Variants in FRMD8 observed in about 807,000 individuals in gnomAD.
FRMD8 encodes FERM domain-containing protein 8.
Under a neutral mutation model 54.2 loss-of-function variants are expected in FRMD8, and 37 were observed. The ratio of observed to expected loss-of-function variants is 0.68; its 90% CI spans 0.53 to 0.90. FRMD8 has a LOEUF of 0.90. Among genes scored for constraint, FRMD8 ranks in the 40% least tolerant of loss-of-function variants. The pLI, the probability that FRMD8 is intolerant of heterozygous loss-of-function variation, is 0.00. For synonymous variants in FRMD8, 246 were observed against 286.9 expected (o/e 0.86, Z 1.44); for missense variants, 585 against 653.7 (o/e 0.89, Z 1.15).
chr11:65,392,580 G>T (rs1349087775), intron 3 of FRMD8, among the ~76,000 whole-genome samples: 2 of 152,136 alleles, frequency 1.3e-5, no homozygotes. Flanking sequence ...CTGGCCTGAG[G>T]CATTGAGTCC....
chr11:65,380,295 C>A, the FRMD8 span: 1 of 1,422,982 alleles, frequency 7.0e-7, no homozygotes. Context: ...ATCTCAGACA[C>A]ATGCAGCCAC....
rs1292862086 is a variant in FRMD8 at position 65,387,075 on chromosome 11, C to T, written c.39C>T (p.Pro13=). 1 of 1,608,960 alleles carries T rather than the reference C, an allele frequency of 6.2e-7. No homozygotes were observed. The highest frequency in any genetic ancestry group is 1.1e-5 in the South Asian group (1 of 91,080). Residue 13 remains proline, a synonymous_variant, in exon 2 of 11, where the codon CCC becomes CCT. Transcript: ENST00000317568. Reference sequence around the variant, plus strand: ...AAGGCAGTGCCGGGCAGCCCGGCCCCGCTGAGCGATCCCACCGAAGCAGCG... The same window carrying T: ...AAGGCAGTGCCGGGCAGCCCGGCCCTGCTGAGCGATCCCACCGAAGCAGCG... The part of the protein sequence containing the change: ...GTEGSAGQPG[P]AERSHRSSVS...
intron 7 of FRMD8, 32 bp downstream of exon 7, chr11:65,397,052 C>G (rs566642712): frequency 2.4e-6 from 3 of 1,234,764 alleles, no homozygotes; most frequent in East Asian, 3.0e-5. Context: ...TCCCCCACCC[C>G]CTCCGCAGGC....
intron 8 of FRMD8, 129 bp downstream of exon 8, chr11:65,399,988 C>A: frequency 9.0e-7 from 1 of 1,112,406 alleles, no homozygotes; most frequent in Non-Finnish European, 1.3e-6. Context: ...GACCCTGCCT[C>A]CGTTGGATGT....
chr11:65,381,830 C>G (rs1028185991), upstream of FRMD8: 2 of 1,567,554 alleles, frequency 1.3e-6, no homozygotes, highest in African/African-American at 2.7e-5. Flanking sequence ...AGACTTTGGT[C>G]TCTGCTCCTC....
chr11:65,399,758 G>A lies in FRMD8; in HGVS notation c.826G>A (p.Val276Ile). The stretch of plus-strand genomic sequence containing the variant: ...CAGGTGTGCCTTCTTCCACGGTGAG[G>A]TTGACAAGCCGGCCCAAGGCTTTTT... ...FYGCAFFHGE[V>I]DKPAQGFLHR... is the part of the protein sequence containing the mutation. Residue 276 changes from valine (V) to isoleucine (I), a missense_variant, in exon 8 of 11, where the codon GTT becomes ATT. Val to Ile is a conservative substitution (Grantham distance 29, BLOSUM62 3). Transcript: ENST00000317568. The A allele has an allele frequency of 6.2e-7, 1 of 1,614,048 alleles. No homozygotes were observed.
chr11:65,387,100 G>T lies in FRMD8; in HGVS notation c.64G>T (p.Val22Leu), dbSNP rs779522359. ...CGCTGAGCGATCCCACCGAAGCAGCGTGTCCTCCGTGGGAGCCCGAGGTGG... is the reference window on the plus strand; with the variant it reads ...CGCTGAGCGATCCCACCGAAGCAGCTTGTCCTCCGTGGGAGCCCGAGGTGG... Reference protein sequence around the residue: ...GPAERSHRSSVSSVGARAADV... With the variant: ...GPAERSHRSSLSSVGARAADV... The change falls in exon 2 of 11, where the codon GTG (valine) becomes TTG (leucine). Residue 22 changes from valine to leucine, a missense_variant. Transcript: ENST00000317568. 2 of 1,607,028 alleles carry T rather than the reference G, an allele frequency of 1.2e-6. No individual in the cohort carries two copies. Among genetic ancestry groups the T allele is most frequent in the Non-Finnish European group, 1.7e-6 (2 of 1,179,980 alleles).
Position 65,402,749 on chromosome 11 carries a change from C to T in FRMD8, c.1071+1882C>T, listed in dbSNP as rs114992151. On this transcript the variant is annotated intron_variant, in intron 9 of 10. Coordinates refer to ENST00000317568, the MANE Select transcript of FRMD8 (RefSeq NM_031904.5). ...ATCTCCATTTATTTGTCTCTGATTT[C>T]TTTCATTAACATTTTATAGTTTTCA... Among the ~76,000 whole-genome samples, 480 of 152,018 alleles carry T rather than the reference C, an allele frequency of 3.2e-3. 4 individuals are homozygous for T. The highest frequency in any genetic ancestry group is 0.011 in the African/African-American group (457 of 41,502).
intron 9 of FRMD8, among the ~76,000 whole-genome samples, chr11:65,402,941 C>T (rs1025675783): frequency 1.3e-5 from 2 of 152,010 alleles, no homozygotes; most frequent in African/African-American, 4.8e-5. Context: ...GCTCTGTCAC[C>T]GAGGCTGGGG....
At chr11:65,393,695 G>C (rs1855887406) in intron 4 of FRMD8, 21 bp downstream of exon 4, 4 of 1,583,536 alleles carry the variant, frequency 2.5e-6, no homozygotes, top group Non-Finnish European at 3.4e-6. Context: ...CTGCCTGTCT[G>C]TCCTTGCCTC....
chr11:65,393,906 C>G, intron 4 of FRMD8, 135 bp from the exon 5 acceptor site: 1 of 951,854 alleles, frequency 1.1e-6, no homozygotes, highest in South Asian at 1.5e-5. Context: ...GAGCTGCACA[C>G]TCCACCCTCT....
Position 65,411,444 on chromosome 11 carries a change from G to T in FRMD8, c.*84G>T. On this transcript the variant is annotated 3_prime_UTR_variant, in exon 11 of 11. Coordinates refer to ENST00000317568, the MANE Select transcript of FRMD8 (RefSeq NM_031904.5). ...TGAGGGGCAGGCGCCGGCTGCAACA[G>T]TCTCATGGGTCACCACGTGGGGAGG... 1.2e-6 allele frequency: 1 copy of T among 852,648 alleles called. No homozygotes were observed. Among genetic ancestry groups the T allele is most frequent in the Non-Finnish European group, 1.7e-6 (1 of 576,352 alleles). The allele number at this position is 852,648 out of a possible 1,614,324, so 52.8% of individuals were successfully genotyped here.
chr11:65,376,844 T>G, the FRMD8 span: 1 of 1,614,240 alleles, frequency 6.2e-7, no homozygotes, highest in Non-Finnish European at 8.5e-7. Flanking sequence ...TGGTGTGTAC[T>G]GGCGACAGAG....
At chr11:65,377,100 C>A in the FRMD8 span, 1 of 1,603,940 alleles carries the variant, frequency 6.2e-7, no homozygotes, top group Non-Finnish European at 8.5e-7. Context: ...AACATGAGGG[C>A]CCCGGGTGGG....
At chr11:65,396,146 T>C (rs1203142967) in intron 6 of FRMD8, among the ~76,000 whole-genome samples, 1 of 152,188 alleles carries the variant, frequency 6.6e-6, no homozygotes, top group Admixed American at 6.5e-5. Context: ...ATGAGTTTCC[T>C]GGGTGGACAC....
At chr11:65,381,038 G>A in the FRMD8 span, 1 of 155,442 alleles carries the variant, frequency 6.4e-6, no homozygotes, top group Non-Finnish European at 1.4e-5. Flanking sequence ...GAAGGCAGAG[G>A]CAGCACCCTC....
At chr11:65,379,612 T>G in the FRMD8 span, 1 of 1,537,418 alleles carries the variant, frequency 6.5e-7, no homozygotes, top group East Asian at 2.3e-5. Flanking sequence ...GCCTCCCCTT[T>G]GTCCTCTCCA....
At position 65,400,803 on chromosome 11, in the gene FRMD8, T is replaced by G. The variant is rs1565607910; in HGVS notation, c.1007T>G (p.Leu336Arg). 6.2e-7 allele frequency: 1 copy of G among 1,612,956 alleles called. No individual in the cohort carries two copies. Among genetic ancestry groups the G allele is most frequent in the Non-Finnish European group, 8.5e-7 (1 of 1,179,724 alleles). Residue 336 changes from leucine to arginine, a missense_variant, in exon 9 of 11, where the codon CTG becomes CGG. By Grantham distance (102) the Leu-to-Arg change is moderately radical (BLOSUM62 -2). Coordinates refer to ENST00000317568, the MANE Select transcript of FRMD8 (RefSeq NM_031904.5). The surrounding 1 kb of genome is among the most constrained non-coding windows in gnomAD (Gnocchi z 4.3). ...GAGGAGGAGGAGCCCATCTTGTGGC[T>G]GGAGTTCGACGGGGACAGCGAGGGC... Reference protein sequence around the residue: ...SPEEEEPILWLEFDGDSEGTP... With the variant: ...SPEEEEPILWREFDGDSEGTP...
At position 65,411,629 on chromosome 11, in the gene FRMD8, G is replaced by C. The variant is rs564689704; in HGVS notation, c.*269G>C. The C allele has an allele frequency of 8.6e-6, 3 of 348,404 alleles. No homozygotes were observed. The East Asian group carries it at 1.4e-4, about 16-fold the overall frequency. The allele number at this position is 348,404 out of a possible 1,614,324, so 21.6% of individuals were successfully genotyped here. ...CCCTGCTGCTCTCTCAGGACCATCC[G>C]ATCAAGCTGCAGCTGCCACCCTCAC... On this transcript the variant is annotated 3_prime_UTR_variant, in exon 11 of 11. Transcript: ENST00000317568.
Sources: gnomAD v4.1 joint callset for allele counts (sites outside exome capture counted in the v4.1 genomes callset) on GRCh38, gnomAD v4.1.1 for gene constraint, Gnocchi (gnomAD v3.1) non-coding constraint, MANE v1.5 for transcripts, NCBI Gene and HGNC (gene_info 2026-07-23, HGNC 2026-07-21) for gene names.